The following GALNT7 variants were observed in gnomAD, a reference collection of about 807,000 sequenced individuals.
GALNT7 encodes the protein polypeptide N-acetylgalactosaminyltransferase 7.
In GALNT7, 60 loss-of-function variants were observed where a neutral mutation model predicts 82.1. That is an observed-to-expected ratio of 0.73 (90% CI 0.59 to 0.91). The LOEUF (loss-of-function observed/expected upper bound fraction) is 0.91, where lower values mean the gene tolerates loss of function less well. GALNT7 is among the 40% of genes least tolerant of loss of function. The pLI is 0.00. For missense variants in GALNT7, 660 were observed against 804.2 expected (o/e 0.82, Z 2.17); for synonymous variants, 243 against 275.1 (o/e 0.88, Z 1.15).
rs774548920 is a variant in GALNT7 at position 173,295,451 on chromosome 4, G to A, written c.810G>A (p.Lys270=). Residue 270 remains lysine, a synonymous_variant, in exon 4 of 12, where the codon AAG becomes AAA. Coordinates refer to ENST00000265000, the MANE Select transcript of GALNT7 (RefSeq NM_017423.3). ...TTAAGCTGTGGAATGGCCTAGTGAAGGTATTTCGAAATGAAAGAAGGGAAG... is the reference window on the plus strand; with the variant it reads ...TTAAGCTGTGGAATGGCCTAGTGAAAGTATTTCGAAATGAAAGAAGGGAAG... The part of the protein sequence containing the change: ...EYIKLWNGLV[K]VFRNERREGL... 3.1e-6 allele frequency: 5 copies of A among 1,608,544 alleles called. No individual in the cohort carries two copies.
At chr4:173,299,042 T>G (rs561361880) in intron 6 of GALNT7, among the ~76,000 whole-genome samples, 1 of 152,218 alleles carries the variant, frequency 6.6e-6, no homozygotes, top group Non-Finnish European at 1.5e-5. Context: ...AAATGTTTGC[T>G]CAAGTGTTAG....
At chr4:173,242,987 T>C (rs960506734) in intron 1 of GALNT7, among the ~76,000 whole-genome samples, 1 of 152,240 alleles carries the variant, frequency 6.6e-6, no homozygotes, top group Admixed American at 6.5e-5. Flanking sequence ...CTGTGGCTCA[T>C]GAAGCATGAT....
intron 9 of GALNT7, chr4:173,317,302 T>C (rs1056167252): frequency 4.1e-6 from 1 of 241,674 alleles, no homozygotes; most frequent in African/African-American, 2.3e-5. Flanking sequence ...TTATTACCAC[T>C]GTGGTTAGGT....
chr4:173,288,191 G>A (rs1736398873), intron 2 of GALNT7, among the ~76,000 whole-genome samples: 1 of 148,842 alleles, frequency 6.7e-6, no homozygotes, highest in South Asian at 2.1e-4. Context: ...GCTGAGGCAG[G>A]AGAATGGCGT....
At chr4:173,274,588 T>C (rs995916305) in intron 2 of GALNT7, among the ~76,000 whole-genome samples, 1 of 152,194 alleles carries the variant, frequency 6.6e-6, no homozygotes, top group Admixed American at 6.5e-5. Flanking sequence ...AGTTTCTTTA[T>C]ATATAAAATG....
intron 1 of GALNT7, among the ~76,000 whole-genome samples, chr4:173,196,490 A>C (rs781218622): frequency 3.9e-5 from 6 of 152,166 alleles, no homozygotes; most frequent in Non-Finnish European, 8.8e-5. Context: ...TTCTAAAAAG[A>C]ACTTGGAATT....
intron 2 of GALNT7, among the ~76,000 whole-genome samples, chr4:173,289,536 C>T (rs1736461042): frequency 6.6e-6 from 1 of 152,234 alleles, no homozygotes; most frequent in African/African-American, 2.4e-5. Context: ...AGCAACTTCT[C>T]TTATCAGTAA....
intron 2 of GALNT7, among the ~76,000 whole-genome samples, chr4:173,279,640 T>C (rs1310832562): frequency 6.6e-6 from 1 of 151,622 alleles, no homozygotes; most frequent in Non-Finnish European, 1.5e-5. Flanking sequence ...GCAAAAGAGG[T>C]TTTAGATGAA....
intron 2 of GALNT7, among the ~76,000 whole-genome samples, chr4:173,275,677 G>T (rs1025584252): frequency 1.3e-5 from 2 of 152,100 alleles, no homozygotes; most frequent in African/African-American, 4.8e-5. Context: ...TGCTAACAAT[G>T]GTCCACTTTC....
chr4:173,248,626 G>T (rs911991275), intron 2 of GALNT7, among the ~76,000 whole-genome samples, 186 bp downstream of exon 2: 2 of 152,152 alleles, frequency 1.3e-5, no homozygotes, highest in African/African-American at 4.8e-5. Context: ...TTGTATTGAA[G>T]GTGGGCTGTA....
At chr4:173,212,481 G>T (rs1733311449) in intron 1 of GALNT7, among the ~76,000 whole-genome samples, 1 of 152,086 alleles carries the variant, frequency 6.6e-6, no homozygotes, top group Non-Finnish European at 1.5e-5. Context: ...ACTTGAAAGA[G>T]GCTTCAGTTT....
intron 1 of GALNT7, among the ~76,000 whole-genome samples, chr4:173,187,834 A>C (rs1275869438): frequency 6.6e-6 from 1 of 152,164 alleles, no homozygotes; most frequent in East Asian, 1.9e-4. Context: ...GTGAAGCATA[A>C]TTTCTCTTTT....
At chr4:173,186,804 T>C (rs1425907570) in intron 1 of GALNT7, among the ~76,000 whole-genome samples, 1 of 152,024 alleles carries the variant, frequency 6.6e-6, no homozygotes, top group Non-Finnish European at 1.5e-5. Context: ...AGATGGAGTC[T>C]TGCTCTGTCA....
chr4:173,269,547 C>G (rs1159216335), intron 2 of GALNT7, among the ~76,000 whole-genome samples: 2 of 152,106 alleles, frequency 1.3e-5, no homozygotes, highest in East Asian at 3.9e-4. Flanking sequence ...GATAAGCAGA[C>G]CTAATCTGAA....
chr4:173,256,373 G>T (rs1467322179), intron 2 of GALNT7, among the ~76,000 whole-genome samples: 1 of 152,168 alleles, frequency 6.6e-6, no homozygotes, highest in Non-Finnish European at 1.5e-5. Context: ...AAGCCTATGG[G>T]TTTTAAGTTT....
At chr4:173,188,932 C>T (rs1228399896) in intron 1 of GALNT7, among the ~76,000 whole-genome samples, 1 of 152,186 alleles carries the variant, frequency 6.6e-6, no homozygotes, top group African/African-American at 2.4e-5. Context: ...ATATTATTCC[C>T]CTGTCCGCTG....
intron 1 of GALNT7, among the ~76,000 whole-genome samples, chr4:173,246,853 C>T (rs1734653945): frequency 6.6e-6 from 1 of 152,092 alleles, no homozygotes; most frequent in Non-Finnish European, 1.5e-5. Context: ...TGGGGAATCA[C>T]ACAGTTTTAG....
chr4:173,323,346 G>A lies in GALNT7; in HGVS notation c.*1629G>A, dbSNP rs996025251. Reference sequence around the variant, plus strand: ...CTCAAAGTTAAACATCCTCAACAGAGTTTTATTTATAATTTTGAATTGTCA... The same window carrying A: ...CTCAAAGTTAAACATCCTCAACAGAATTTTATTTATAATTTTGAATTGTCA... On this transcript the variant is annotated 3_prime_UTR_variant, in exon 12 of 12. Transcript: ENST00000265000. The A allele has an allele frequency of 6.6e-6, 1 of 152,492 alleles. No individual in the cohort carries two copies. The highest frequency in any genetic ancestry group is 1.5e-5 in the Non-Finnish European group (1 of 67,958). The allele number at this position is 152,492 out of a possible 1,614,324, so 9.4% of individuals were successfully genotyped here.
At chr4:173,270,813 C>T (rs769143671) in intron 2 of GALNT7, among the ~76,000 whole-genome samples, 28 of 152,196 alleles carry the variant, frequency 1.8e-4, no homozygotes, top group Non-Finnish European at 3.1e-4. Context: ...TTTCCTTTCC[C>T]GCTTAAGCAC....
Sources: allele counts gnomAD v4.1 joint callset (sites outside exome capture counted in the v4.1 genomes callset), GRCh38; gene constraint gnomAD v4.1.1; transcripts MANE v1.5; gene names NCBI Gene and HGNC (gene_info 2026-07-23, HGNC 2026-07-21).